The following BCAS3 variants were observed in gnomAD, a reference collection of about 807,000 sequenced individuals.
BCAS3 encodes the protein BCAS4/BCAS3 fusion.
Under a neutral mutation model 116.1 loss-of-function variants are expected in BCAS3, and 53 were observed. That is an observed-to-expected ratio of 0.46 (90% CI 0.37 to 0.57). BCAS3 has a LOEUF of 0.57. Among genes scored for constraint, BCAS3 ranks in the 20% least tolerant of loss-of-function variants. The pLI, the probability that BCAS3 is intolerant of heterozygous loss-of-function variation, is 0.00. For missense variants in BCAS3, 917 were observed against 1,165.4 expected (o/e 0.79, Z 3.10); for synonymous variants, 391 against 408.2 (o/e 0.96, Z 0.51).
chr17:61,010,904 A>T (rs1477319116), intron 15 of BCAS3, among the ~76,000 whole-genome samples: 1 of 152,000 alleles, frequency 6.6e-6, no homozygotes, highest in African/African-American at 2.4e-5. Context: ...AAAAACTGGG[A>T]TGAGAGTCTT....
intron 22 of BCAS3, among the ~76,000 whole-genome samples, chr17:61,100,430 G>A (rs182230271): frequency 2.0e-5 from 3 of 152,270 alleles, no homozygotes; most frequent in Non-Finnish European, 2.9e-5. Context: ...TATGGTGCCT[G>A]ACACTTTTCA....
intron 3 of BCAS3, chr17:60,688,055 TGAA>T (rs1470014734): frequency 6.6e-6 from 1 of 152,144 alleles, no homozygotes; most frequent in Non-Finnish European, 1.5e-5. Context: ...TCTGCTAAGC[TGAA>T]GAAGAATTTG....
At chr17:60,701,805 CAAAAAAA>C (rs71370178) in intron 4 of BCAS3, among the ~76,000 whole-genome samples, 2 of 77,060 alleles carry the variant, frequency 2.6e-5, no homozygotes, top group Non-Finnish European at 5.4e-5. Context: ...ACTAAAAATA[CAAAAAAA>C]AAAAAAAAAG....
intron 22 of BCAS3, among the ~76,000 whole-genome samples, chr17:61,334,437 C>G (rs1290134286): frequency 1.3e-5 from 2 of 152,120 alleles, no homozygotes; most frequent in Non-Finnish European, 2.9e-5. Flanking sequence ...GGGGCCAAGA[C>G]AGACGAATCA....
Position 61,235,788 on chromosome 17 carries a change from G to GA in BCAS3, c.2426-132535dup, listed in dbSNP as rs1362206672. Among the ~76,000 whole-genome samples the GA allele has an allele frequency of 2.0e-4, 30 of 152,086 alleles. No homozygotes were observed. ...TGCAAAAGAGATGTGGAGACTGGGG[G>GA]AAAAGGACTGATTATATGTTAGCTT... On this transcript the variant is annotated intron_variant, in intron 22 of 23. Coordinates refer to ENST00000407086, the MANE Select transcript of BCAS3 (RefSeq NM_017679.5). The surrounding 1 kb of genome is among the most constrained non-coding windows in gnomAD (Gnocchi z 5.0).
chr17:61,359,778 ACTGCGCCTGGCC>A (rs2058357072), intron 22 of BCAS3, among the ~76,000 whole-genome samples: 1 of 152,164 alleles, frequency 6.6e-6, no homozygotes, highest in Non-Finnish European at 1.5e-5. Context: ...GGCGTGAGCC[ACTGCGCCTGGCC>A]AGGTTCTTTT....
chr17:61,259,442 T>C lies in BCAS3; in HGVS notation c.2426-108885T>C, dbSNP rs1310544460. On this transcript the variant is annotated intron_variant, in intron 22 of 23. Transcript: ENST00000407086. This position sits in a 1 kb window ranked among gnomAD's most constrained non-coding sequence, Gnocchi z 4.7. ...CACAGTAACTGCCAGTTCCTGTCCA[T>C]AGGGGTTGAGAACATCGTTGGATGA... is the stretch of plus-strand genomic sequence containing the variant. Among the ~76,000 whole-genome samples, 1 of 152,158 alleles carries C rather than the reference T, an allele frequency of 6.6e-6. No individual in the cohort carries two copies. The highest frequency in any genetic ancestry group is 1.5e-5 in the Non-Finnish European group (1 of 68,028).
At chr17:61,060,180 G>T (rs2069844098) in intron 19 of BCAS3, among the ~76,000 whole-genome samples, 1 of 151,844 alleles carries the variant, frequency 6.6e-6, no homozygotes, top group Non-Finnish European at 1.5e-5. Flanking sequence ...AGGCTGGAGT[G>T]CAGTGGCGCA....
intron 6 of BCAS3, among the ~76,000 whole-genome samples, chr17:60,799,283 A>G (rs1407538640): frequency 6.6e-6 from 1 of 152,196 alleles, no homozygotes; most frequent in Non-Finnish European, 1.5e-5. Context: ...GGAAGTTGCA[A>G]AAATACTACA....
chr17:60,916,901 T>A (rs1356802880), intron 12 of BCAS3, among the ~76,000 whole-genome samples: 3 of 152,202 alleles, frequency 2.0e-5, no homozygotes, highest in African/African-American at 7.2e-5. Flanking sequence ...TGAATAAACA[T>A]TTCTTTGAAA....
chr17:61,042,517 A>G (rs1046192558), intron 19 of BCAS3, among the ~76,000 whole-genome samples: 1 of 151,962 alleles, frequency 6.6e-6, no homozygotes, highest in Non-Finnish European at 1.5e-5. Context: ...ATAATTTAAG[A>G]ACCACCACTG....
intron 6 of BCAS3, among the ~76,000 whole-genome samples, chr17:60,784,549 C>T (rs900296995): frequency 6.6e-6 from 1 of 151,342 alleles, no homozygotes; most frequent in African/African-American, 2.4e-5. Flanking sequence ...GTAATCTGCT[C>T]ACCTCAGCCT....
intron 13 of BCAS3, among the ~76,000 whole-genome samples, chr17:60,937,006 G>A (rs1464016852): frequency 6.6e-6 from 1 of 152,128 alleles, no homozygotes; most frequent in Non-Finnish European, 1.5e-5. Context: ...TAACATGTAA[G>A]TCTTTAATCC....
chr17:61,187,060 AG>A (rs2079824426), intron 22 of BCAS3, among the ~76,000 whole-genome samples: 2 of 152,198 alleles, frequency 1.3e-5, no homozygotes, highest in South Asian at 4.1e-4. Flanking sequence ...ACATTTGAGT[AG>A]GGGAAAAAAA....
At chr17:60,701,159 G>T (rs931842329) in intron 4 of BCAS3, among the ~76,000 whole-genome samples, 2 of 151,878 alleles carry the variant, frequency 1.3e-5, no homozygotes, top group Admixed American at 1.3e-4. Context: ...CACTAGAATC[G>T]CTTTAACTGG....
At chr17:61,177,704 T>C (rs1355554044) in intron 22 of BCAS3, among the ~76,000 whole-genome samples, 2 of 152,238 alleles carry the variant, frequency 1.3e-5, no homozygotes, top group Non-Finnish European at 2.9e-5. Flanking sequence ...TAACTTAGTG[T>C]ATGCAATTAA....
At chr17:61,152,617 A>T (rs1296774113) in intron 22 of BCAS3, among the ~76,000 whole-genome samples, 1 of 152,134 alleles carries the variant, frequency 6.6e-6, no homozygotes, top group Non-Finnish European at 1.5e-5. Flanking sequence ...CTGGTAGAGG[A>T]GGTAAGAAGA....
In BCAS3 at chr17:61,281,136, C is replaced by T. The variant is rs2051207681; in HGVS notation, c.2426-87191C>T. Among the ~76,000 whole-genome samples, 1 of 152,178 alleles carries T rather than the reference C, an allele frequency of 6.6e-6. No individual in the cohort carries two copies. The highest frequency in any genetic ancestry group is 1.5e-5 in the Non-Finnish European group (1 of 68,040). On this transcript the variant is annotated intron_variant, in intron 22 of 23. Transcript: ENST00000407086. The surrounding 1 kb of genome is among the most constrained non-coding windows in gnomAD (Gnocchi z 4.2). ...AAATACACTACTATGCACACTCTTT[C>T]CATATATCAATACATCTTGGAGATT...
In BCAS3 at chr17:61,323,357, G is replaced by C. The variant is rs1353038673; in HGVS notation, c.2426-44970G>C. Among the ~76,000 whole-genome samples, 11 of 152,178 alleles carry C rather than the reference G, an allele frequency of 7.2e-5. No individual in the cohort carries two copies. The highest frequency in any genetic ancestry group is 2.4e-4 in the African/African-American group (10 of 41,436). On this transcript the variant is annotated intron_variant, in intron 22 of 23. Transcript: ENST00000407086. The surrounding 1 kb of genome is among the most constrained non-coding windows in gnomAD (Gnocchi z 4.6). ...GCACTCAGCTACAACATGGAAATAA[G>C]TAGTGCAGTGAGCAGTTAGCATAAG...
Sources: allele counts gnomAD v4.1 joint callset (sites outside exome capture counted in the v4.1 genomes callset), GRCh38; gene constraint gnomAD v4.1.1; non-coding constraint Gnocchi (gnomAD v3.1); transcripts MANE v1.5; gene names NCBI Gene and HGNC (gene_info 2026-07-23, HGNC 2026-07-21).